ACKR2: variants seen among roughly 807,000 people sequenced by gnomAD.
The protein encoded by ACKR2 is atypical chemokine receptor 2, also known as C-C chemokine receptor D6.
For missense variants in ACKR2, 457 were observed against 477.3 expected (o/e 0.96, Z 0.40); for synonymous variants, 207 against 192.2 (o/e 1.08, Z -0.64).
At chr3:42,821,153 G>A (rs922182064) in intron 2 of ACKR2, among the ~76,000 whole-genome samples, 2 of 152,076 alleles carry the variant, frequency 1.3e-5, no homozygotes, top group South Asian at 4.2e-4. Flanking sequence ...CAAAGTGCTG[G>A]TGCTAAGATT....
At chr3:42,849,006 G>A (rs1701125475) in intron 2 of ACKR2, among the ~76,000 whole-genome samples, 1 of 152,146 alleles carries the variant, frequency 6.6e-6, no homozygotes, top group Non-Finnish European at 1.5e-5. Flanking sequence ...CAAGACTGAG[G>A]AACTGCCCCA....
chr3:42,826,377 G>A (rs1386547290), intron 2 of ACKR2, among the ~76,000 whole-genome samples: 1 of 152,054 alleles, frequency 6.6e-6, no homozygotes, highest in African/African-American at 2.4e-5. Context: ...GAAGTCATCT[G>A]GTTCTGGGCT....
At chr3:42,822,004 C>T (rs957420135) in intron 2 of ACKR2, among the ~76,000 whole-genome samples, 1 of 152,006 alleles carries the variant, frequency 6.6e-6, no homozygotes, top group Non-Finnish European at 1.5e-5. Context: ...CCAGAATATA[C>T]TTTTCAATCT....
At position 42,852,302 on chromosome 3, in the gene ACKR2, A is replaced by G. The variant is rs1701169243; in HGVS notation, c.-37-12164A>G. ...ACACGCAAGGAGTTCTCATGGGAAC[A>G]TTACAGGCAACAAGTACAGAGGCAA... On this transcript the variant is annotated intron_variant, in intron 2 of 2. Coordinates refer to ENST00000422265, the MANE Select transcript of ACKR2 (RefSeq NM_001296.5). The surrounding 1 kb of genome is among the most constrained non-coding windows in gnomAD (Gnocchi z 4.3). 6.6e-6 allele frequency: 1 copy of G among 152,208 alleles called. No homozygotes were observed. Among genetic ancestry groups the G allele is most frequent in the South Asian group, 2.1e-4 (1 of 4,832 alleles). The allele number at this position is 152,208 out of a possible 1,614,324, so 9.4% of individuals were successfully genotyped here.
intron 2 of ACKR2, among the ~76,000 whole-genome samples, chr3:42,824,781 A>G (rs1286451545): frequency 6.6e-6 from 1 of 152,190 alleles, no homozygotes; most frequent in Non-Finnish European, 1.5e-5. Flanking sequence ...TTGGGCCATC[A>G]TGAATAATGT....
intron 2 of ACKR2, among the ~76,000 whole-genome samples, chr3:42,849,864 A>G (rs921791668): frequency 2.6e-5 from 4 of 152,222 alleles, no homozygotes; most frequent in Non-Finnish European, 5.9e-5. Flanking sequence ...AGTTTTATAT[A>G]TTAAATGTAT....
chr3:42,860,163 G>GAAAAAAAA (rs2088367013), intron 2 of ACKR2, among the ~76,000 whole-genome samples: 1 of 4,930 alleles, frequency 2.0e-4, no homozygotes. Context: ...CAAATGGAAA[G>GAAAAAAAA]CAAAAAAAAA....
At chr3:42,810,378 G>A (rs1341986685) in intron 1 of ACKR2, among the ~76,000 whole-genome samples, 3 of 151,806 alleles carry the variant, frequency 2.0e-5, no homozygotes, top group Non-Finnish European at 4.4e-5. Context: ...CAAATAATCT[G>A]ATCAATCTTT....
At chr3:42,834,107 C>T (rs772294747) in intron 2 of ACKR2, among the ~76,000 whole-genome samples, 3 of 152,076 alleles carry the variant, frequency 2.0e-5, no homozygotes, top group East Asian at 1.9e-4. Flanking sequence ...TACAGGCATG[C>T]GCCTCCACGC....
chr3:42,861,381 A>G (rs1380275092), intron 2 of ACKR2, among the ~76,000 whole-genome samples: 1 of 152,212 alleles, frequency 6.6e-6, no homozygotes, highest in Non-Finnish European at 1.5e-5. Flanking sequence ...ATGGCCTCCC[A>G]ACCATAAAAA....
chr3:42,860,179 A>AG (rs2088368705), intron 2 of ACKR2, among the ~76,000 whole-genome samples: 2 of 143,044 alleles, frequency 1.4e-5, no homozygotes, highest in Non-Finnish European at 3.1e-5. Context: ...AAAAAAAAAA[A>AG]AAAAAAAAAA....
intron 2 of ACKR2, among the ~76,000 whole-genome samples, chr3:42,836,873 C>G (rs1262228638): frequency 1.3e-5 from 2 of 152,200 alleles, no homozygotes; most frequent in African/African-American, 4.8e-5. Flanking sequence ...AAGTCATCAT[C>G]TTGCTTACTG....
rs1297573793 is a variant in ACKR2 at position 42,864,860 on chromosome 3, G to A, written c.358G>A (p.Val120Met). Residue 120 changes from valine to methionine, a missense_variant, in exon 3 of 3, where the codon GTG becomes ATG. Transcript: ENST00000422265. ...WVFGSFLCKM[V>M]STLYTINFYS... ...CTTCGGGAGTTTCTTGTGCAAGATGGTGAGCACTCTTTATACTATTAACTT... is the reference window on the plus strand; with the variant it reads ...CTTCGGGAGTTTCTTGTGCAAGATGATGAGCACTCTTTATACTATTAACTT... 1 of 1,614,186 alleles carries A rather than the reference G, an allele frequency of 6.2e-7. No individual in the cohort carries two copies. Among genetic ancestry groups the A allele is most frequent in the Non-Finnish European group, 8.5e-7 (1 of 1,180,040 alleles).
At chr3:42,828,092 A>ATATTTTTTTTT (rs1193533555) in intron 2 of ACKR2, among the ~76,000 whole-genome samples, 4 of 121,902 alleles carry the variant, frequency 3.3e-5, no homozygotes, top group African/African-American at 6.5e-5. Context: ...ATATATATAT[A>ATATTTTTTTTT]TTTTTTTTTT....
chr3:42,836,979 A>G (rs1434907503), intron 2 of ACKR2, among the ~76,000 whole-genome samples: 1 of 152,142 alleles, frequency 6.6e-6, no homozygotes, highest in Admixed American at 6.6e-5. Flanking sequence ...TTGTCTGACA[A>G]CTCAATGGTT....
At chr3:42,855,200 G>A (rs2088300845) in intron 2 of ACKR2, among the ~76,000 whole-genome samples, 1 of 152,106 alleles carries the variant, frequency 6.6e-6, no homozygotes, top group African/African-American at 2.4e-5. Context: ...TAACTGCTAG[G>A]TAGAGCAGAA....
chr3:42,859,380 C>CA, intron 2 of ACKR2, among the ~76,000 whole-genome samples: 1 of 151,224 alleles, frequency 6.6e-6, no homozygotes, highest in East Asian at 1.9e-4. Context: ...ATTCAACATT[C>CA]ATTTTTTTTT....
At chr3:42,812,004 A>T (rs1700701213) in intron 1 of ACKR2, among the ~76,000 whole-genome samples, 1 of 152,192 alleles carries the variant, frequency 6.6e-6, no homozygotes, top group Non-Finnish European at 1.5e-5. Context: ...TGAAAATAGT[A>T]ATCAATAAAT....
In ACKR2 at chr3:42,864,549, A is replaced by G. The variant is rs1178920732; in HGVS notation, c.47A>G (p.Asp16Gly). 4 of 1,612,874 alleles carry G rather than the reference A, an allele frequency of 2.5e-6. No homozygotes were observed. ...SPQPLATEDA[D>G]SENSSFYYYD... ...CAGCCACTCGCCACTGAGGATGCCG[A>G]TTCTGAGAATAGCAGCTTCTATTAC... Residue 16 changes from aspartate to glycine, a missense_variant, in exon 3 of 3, where the codon GAT becomes GGT. By Grantham distance (94) the Asp-to-Gly change is moderately conservative. Coordinates refer to ENST00000422265, the MANE Select transcript of ACKR2 (RefSeq NM_001296.5).
Sources: allele counts gnomAD v4.1 joint callset (sites outside exome capture counted in the v4.1 genomes callset), GRCh38; gene constraint gnomAD v4.1.1; non-coding constraint Gnocchi (gnomAD v3.1); transcripts MANE v1.5; gene names NCBI Gene and HGNC (gene_info 2026-07-23, HGNC 2026-07-21).